The following ADAP1 variants were observed in gnomAD, a reference collection of about 807,000 sequenced individuals.
The protein encoded by ADAP1 is arf-GAP with dual PH domain-containing protein 1.
ADAP1 carries 31 observed loss-of-function variants against 54.9 expected under a neutral mutation model. The observed-to-expected ratio is 0.56, with a 90% CI of 0.42 to 0.76. The LOEUF (loss-of-function observed/expected upper bound fraction) is 0.76. Ranked by LOEUF, ADAP1 falls within the 30% of genes least tolerant of loss-of-function variation. ADAP1 has a pLI of 0.00. For missense variants in ADAP1, 535 were observed against 512.4 expected (o/e 1.04, Z -0.42); for synonymous variants, 313 against 202.6 (o/e 1.55, Z -4.63).
intron 1 of ADAP1, among the ~76,000 whole-genome samples, chr7:953,483 C>T (rs1336645882): frequency 6.6e-6 from 1 of 152,210 alleles, no homozygotes; most frequent in Admixed American, 6.5e-5. Flanking sequence ...TCTTCCCCCG[C>T]TCCCTCCCTG....
rs1344536898 is a variant in ADAP1, at chr7:906,684, AC to A, written c.389-1513del. 5.8e-3 allele frequency among the ~76,000 whole-genome samples: 381 copies of A among 65,248 alleles called. 19 individuals carry two copies. The highest frequency in any genetic ancestry group is 0.027 in the East Asian group (19 of 692). The allele number at this position is 65,248 out of a possible 152,430, so 42.8% of individuals were successfully genotyped here. A position where few individuals can be genotyped will look rare whatever the true frequency, so the allele number is the denominator to read the frequency against. The stretch of plus-strand genomic sequence containing the variant: ...GCGGGAAAGGGGACATGGACAGGGG[AC>A]ACGGGGGACATGGACATGGGGGACG... On this transcript the variant is annotated intron_variant, in intron 4 of 10. Coordinates refer to ENST00000265846, the MANE Select transcript of ADAP1 (RefSeq NM_006869.4).
intron 2 of ADAP1, among the ~76,000 whole-genome samples, chr7:934,914 A>G (rs1400858543): frequency 6.6e-6 from 1 of 152,202 alleles, no homozygotes; most frequent in East Asian, 1.9e-4. Flanking sequence ...GGGACAGGTA[A>G]TGGTGCCCTA....
chr7:917,436 AG>A (rs1845982224), intron 4 of ADAP1, among the ~76,000 whole-genome samples: 1 of 152,176 alleles, frequency 6.6e-6, no homozygotes, highest in Non-Finnish European at 1.5e-5. Context: ...CTACAACACC[AG>A]GACTGTGTTC....
chr7:909,137 AGGCGCCAGCGGGAACCCC>A, intron 4 of ADAP1, among the ~76,000 whole-genome samples: 1 of 142,794 alleles, frequency 7.0e-6, no homozygotes, highest in Non-Finnish European at 1.5e-5. Context: ...TCCCGACAGC[AGGCGCCAGCGGGAACCCC>A]GGTCCTCCCG....
intron 1 of ADAP1, among the ~76,000 whole-genome samples, chr7:936,926 A>T (rs1428826804): frequency 6.6e-6 from 1 of 152,212 alleles, no homozygotes; most frequent in Non-Finnish European, 1.5e-5. Flanking sequence ...GGGGACTCCC[A>T]TGCCAGGCGG....
chr7:911,012 G>A (rs2128100842), intron 4 of ADAP1, among the ~76,000 whole-genome samples: 1 of 152,270 alleles, frequency 6.6e-6, no homozygotes, highest in Non-Finnish European at 1.5e-5. Context: ...GTCTCTCCCT[G>A]CCTGGCCCGT....
In ADAP1 at chr7:954,454, C is replaced by T. The variant is rs572300633; in HGVS notation, c.24G>A (p.Ala8=). The change falls in exon 1 of 11, where the codon GCG becomes GCA. Residue 8 remains alanine (A), a synonymous_variant. Transcript: ENST00000265846. The part of the protein sequence containing the change: MAKERRR[A]VLELLQRPGN... ...CCGGCCGCTGCAGCAGCTCCAGGACCGCCCTGCGCCGCTCCTTGGCCATGG... is the reference window on the plus strand; with the variant it reads ...CCGGCCGCTGCAGCAGCTCCAGGACTGCCCTGCGCCGCTCCTTGGCCATGG... 2.2e-4 allele frequency: 239 copies of T among 1,072,198 alleles called. 1 individual carries two copies. The African/African-American group carries it at 3.4e-3, about 15-fold the overall frequency. The allele number at this position is 1,072,198 out of a possible 1,614,324, so 66.4% of individuals were successfully genotyped here. A position where few individuals can be genotyped will look rare whatever the true frequency, so the allele number is the denominator to read the frequency against.
Position 926,716 on chromosome 7 carries a change from G to C in ADAP1, c.214-72C>G. 2 of 1,286,344 alleles carry C rather than the reference G, an allele frequency of 1.6e-6. No homozygotes were observed. Among genetic ancestry groups the C allele is most frequent in the Non-Finnish European group, 2.1e-6 (2 of 950,170 alleles). 79.7% of individuals were successfully genotyped at this position (1,286,344 alleles called of 1,614,324 possible). ...AGCCTAGGAGGTGCCAGCTGCCCTT[G>C]GGGCCGTCACCACAGTGACCCGCAG... On this transcript the variant is annotated intron_variant, in intron 2 of 10. Coordinates refer to ENST00000265846, the MANE Select transcript of ADAP1 (RefSeq NM_006869.4). This position sits in a 1 kb window ranked among gnomAD's most constrained non-coding sequence, Gnocchi z 4.6.
chr7:921,787 C>G (rs1846201134), intron 3 of ADAP1, among the ~76,000 whole-genome samples: 2 of 152,238 alleles, frequency 1.3e-5, no homozygotes, highest in Admixed American at 1.3e-4. Flanking sequence ...CTCTCAGAGT[C>G]ACGGGAGGAC....
chr7:905,599 A>AG (rs1845179381), intron 4 of ADAP1: 7 of 153,908 alleles, frequency 4.5e-5, no homozygotes, highest in Non-Finnish European at 6.5e-5. Flanking sequence ...GAAAGGAGAA[A>AG]GGAGAAAGGA....
chr7:945,778 C>T lies in ADAP1; in HGVS notation c.82+8618G>A, dbSNP rs892718106. Reference sequence around the variant, plus strand: ...CTGCCCTACCTGCTCCCAGGACGCCCGAGGTGACTCAGCCGCTCACCATTT... The same window carrying T: ...CTGCCCTACCTGCTCCCAGGACGCCTGAGGTGACTCAGCCGCTCACCATTT... On this transcript the variant is annotated intron_variant, in intron 1 of 10. Transcript: ENST00000265846. This position sits in a 1 kb window ranked among gnomAD's most constrained non-coding sequence, Gnocchi z 4.2. The T allele has an allele frequency of 8.8e-5, 87 of 985,552 alleles. No homozygotes were observed. The highest frequency in any genetic ancestry group is 5.2e-4 in the Middle Eastern group (1 of 1,936). 61.1% of individuals were successfully genotyped at this position (985,552 alleles called of 1,614,324 possible).
rs371491829 is a variant in ADAP1 at position 946,015 on chromosome 7, G to A, written c.82+8381C>T. Among the ~76,000 whole-genome samples, 4 of 152,190 alleles carry A rather than the reference G, an allele frequency of 2.6e-5. No individual in the cohort carries two copies. The highest frequency in any genetic ancestry group is 2.1e-4 in the South Asian group (1 of 4,836). ...ATCCCGGTGCAATCGAGGCCGGGTC[G>A]GACGCTGGCTCTGGCCAGGCACGCA... On this transcript the variant is annotated intron_variant, in intron 1 of 10. Coordinates refer to ENST00000265846, the MANE Select transcript of ADAP1 (RefSeq NM_006869.4). This position sits in a 1 kb window ranked among gnomAD's most constrained non-coding sequence, Gnocchi z 4.3.
intron 4 of ADAP1, among the ~76,000 whole-genome samples, chr7:916,105 C>G (rs568340428): frequency 6.6e-6 from 1 of 152,212 alleles, no homozygotes; most frequent in Non-Finnish European, 1.5e-5. Flanking sequence ...AGTCACATCC[C>G]GGCCCGACCA....
At chr7:898,971 C>G in intron 10 of ADAP1, 22 bp from the exon 11 acceptor site, 1 of 1,611,470 alleles carries the variant, frequency 6.2e-7, no homozygotes, top group Non-Finnish European at 8.5e-7. Context: ...CAGGGTCCAG[C>G]GTTGTCACAG....
chr7:951,356 G>C (rs1428225915), intron 1 of ADAP1, among the ~76,000 whole-genome samples: 1 of 150,636 alleles, frequency 6.6e-6, no homozygotes, highest in African/African-American at 2.5e-5. Context: ...CTGGGCGACA[G>C]AGCGAGACTC....
chr7:911,807 G>C (rs1268375935), intron 4 of ADAP1, among the ~76,000 whole-genome samples: 1 of 151,434 alleles, frequency 6.6e-6, no homozygotes, highest in Middle Eastern at 3.4e-3. Flanking sequence ...GCCAGGAAGG[G>C]GGCGGGGGAC....
chr7:934,747 C>G (rs1206507245), intron 2 of ADAP1, among the ~76,000 whole-genome samples: 1 of 152,198 alleles, frequency 6.6e-6, no homozygotes, highest in East Asian at 1.9e-4. Flanking sequence ...TCCTGGTTGG[C>G]TCACACCCGT....
At chr7:902,475 A>AATGCCTGGGCGTGGTG (rs1491159593) in intron 6 of ADAP1, among the ~76,000 whole-genome samples, 5 of 142,256 alleles carry the variant, frequency 3.5e-5, no homozygotes, top group South Asian at 2.2e-4. Context: ...AAAAAAAGAA[A>AATGCCTGGGCGTGGTG]GAAAAGAAAG....
intron 4 of ADAP1, among the ~76,000 whole-genome samples, chr7:910,529 G>A (rs538539879): frequency 9.2e-5 from 14 of 152,336 alleles, no homozygotes; most frequent in African/African-American, 1.2e-4. Context: ...GGGTTGCAGC[G>A]TGAGCCCCAC....
Sources: allele counts gnomAD v4.1 joint callset (sites outside exome capture counted in the v4.1 genomes callset), GRCh38; gene constraint gnomAD v4.1.1; non-coding constraint Gnocchi (gnomAD v3.1); transcripts MANE v1.5; gene names NCBI Gene and HGNC (gene_info 2026-07-23, HGNC 2026-07-21).